Variants in CENPW observed in about 807,000 individuals in gnomAD.
CENPW encodes cancer-up-regulated gene 2 protein.
In CENPW, 3 loss-of-function variants were observed where a neutral mutation model predicts 11.1. That is an observed-to-expected ratio of 0.27 (90% CI 0.12 to 0.70). The LOEUF is 0.70. CENPW is among the 30% of genes least tolerant of loss of function. The probability of loss-of-function intolerance (pLI) is 0.77; values close to 1 mark genes in which losing one functional copy is unlikely to be tolerated. For missense variants in CENPW, 100 were observed against 105.6 expected (o/e 0.95, Z 0.23); for synonymous variants, 38 against 42.0 (o/e 0.91, Z 0.37).
the CENPW span, among the ~76,000 whole-genome samples, chr6:126,420,481 A>T: frequency 6.6e-6 from 1 of 152,288 alleles, no homozygotes; most frequent in South Asian, 2.1e-4. Context: ...CTGGAAATTG[A>T]AGTTGGTATT....
At chr6:126,453,672 T>A in the CENPW span, among the ~76,000 whole-genome samples, 1 of 151,022 alleles carries the variant, frequency 6.6e-6, no homozygotes, top group East Asian at 2.0e-4. Context: ...AACCAGGTAA[T>A]GATATGAGGA....
chr6:126,463,288 A>G, the CENPW span, among the ~76,000 whole-genome samples: 1 of 152,066 alleles, frequency 6.6e-6, no homozygotes, highest in Non-Finnish European at 1.5e-5. Context: ...TCTATAAATT[A>G]TGAAAAATAT....
the CENPW span, among the ~76,000 whole-genome samples, chr6:126,409,443 T>C: frequency 6.6e-6 from 1 of 152,138 alleles, no homozygotes; most frequent in African/African-American, 2.4e-5. Flanking sequence ...AGGTGTAATG[T>C]GAAGTTTAAA....
the CENPW span, among the ~76,000 whole-genome samples, chr6:126,441,821 C>T: frequency 2.0e-5 from 3 of 151,520 alleles, no homozygotes; most frequent in Non-Finnish European, 3.0e-5. Context: ...CCAGGGTATA[C>T]ATATGCCACG....
At chr6:126,445,755 T>C in the CENPW span, among the ~76,000 whole-genome samples, 1 of 151,186 alleles carries the variant, frequency 6.6e-6, no homozygotes, top group Non-Finnish European at 1.5e-5. Context: ...AGCTTACAAA[T>C]TATTTTAGAG....
At chr6:126,350,083 A>T (rs1293909338), downstream of CENPW, among the ~76,000 whole-genome samples, 2 of 152,108 alleles carry the variant, frequency 1.3e-5, no homozygotes, top group African/African-American at 4.8e-5. Flanking sequence ...GGGTGGCTGT[A>T]CCATTTTACA....
chr6:126,478,035 C>T, the CENPW span, among the ~76,000 whole-genome samples: 1 of 152,014 alleles, frequency 6.6e-6, no homozygotes, highest in African/African-American at 2.4e-5. Flanking sequence ...CTCTTGAGAT[C>T]CAACTTCCTC....
the CENPW span, among the ~76,000 whole-genome samples, chr6:126,415,868 C>G: frequency 2.0e-5 from 3 of 152,118 alleles, no homozygotes; most frequent in Non-Finnish European, 4.4e-5. Context: ...CCAGTTATGT[C>G]TTTATTGGCA....
At chr6:126,394,493 G>A in the CENPW span, among the ~76,000 whole-genome samples, 3 of 151,950 alleles carry the variant, frequency 2.0e-5, no homozygotes, top group Non-Finnish European at 4.4e-5. Flanking sequence ...TTACTATCAT[G>A]TCTTGAAACG....
At chr6:126,353,740 TCA>T (rs765878520), downstream of CENPW, among the ~76,000 whole-genome samples, 49 of 152,146 alleles carry the variant, frequency 3.2e-4, no homozygotes, top group Admixed American at 1.5e-3. Context: ...TTTGATTATG[TCA>T]CACATTATCT....
the CENPW span, among the ~76,000 whole-genome samples, chr6:126,468,975 GT>G: frequency 6.6e-6 from 1 of 152,026 alleles, no homozygotes; most frequent in Non-Finnish European, 1.5e-5. Context: ...GCTAATTTTT[GT>G]ATTTTTGGTA....
At chr6:126,401,552 C>G in the CENPW span, among the ~76,000 whole-genome samples, 1 of 151,892 alleles carries the variant, frequency 6.6e-6, no homozygotes, top group South Asian at 2.1e-4. Flanking sequence ...AATGGTATTT[C>G]CCACAGGAGC....
chr6:126,405,452 TG>T, the CENPW span, among the ~76,000 whole-genome samples: 2 of 152,140 alleles, frequency 1.3e-5, no homozygotes, highest in African/African-American at 4.8e-5. Context: ...CCTCCAGCTT[TG>T]TTCTTTATCT....
At chr6:126,446,359 C>G in the CENPW span, among the ~76,000 whole-genome samples, 5 of 145,324 alleles carry the variant, frequency 3.4e-5, no homozygotes, top group East Asian at 2.2e-4. Flanking sequence ...CCTCCCTGGC[C>G]CCCCCACAAG....
At chr6:126,386,532 A>G in the CENPW span, among the ~76,000 whole-genome samples, 1 of 152,050 alleles carries the variant, frequency 6.6e-6, no homozygotes, top group African/African-American at 2.4e-5. Context: ...TGAATTATGT[A>G]CACTGCGCCT....
At chr6:126,381,937 C>T in the CENPW span, among the ~76,000 whole-genome samples, 1 of 152,110 alleles carries the variant, frequency 6.6e-6, no homozygotes, top group Non-Finnish European at 1.5e-5. Flanking sequence ...ACTGAACCCA[C>T]CTCAGAGCGC....
chr6:126,363,881 A>G, the CENPW span, among the ~76,000 whole-genome samples: 1 of 152,188 alleles, frequency 6.6e-6, no homozygotes, highest in African/African-American at 2.4e-5. Context: ...GGACCTCCTG[A>G]ATTTAGTGTG....
chr6:126,367,299 T>C, the CENPW span, among the ~76,000 whole-genome samples: 1 of 152,238 alleles, frequency 6.6e-6, no homozygotes, highest in South Asian at 2.1e-4. Context: ...CCAGATAGTA[T>C]ACATTGTCTC....
At chr6:126,370,254 A>AT in the CENPW span, among the ~76,000 whole-genome samples, 7 of 151,534 alleles carry the variant, frequency 4.6e-5, no homozygotes, top group Non-Finnish European at 1.0e-4. Flanking sequence ...GCTGCGTGGG[A>AT]TTTTTTTGGT....
Sources: allele counts gnomAD v4.1 joint callset (sites outside exome capture counted in the v4.1 genomes callset), GRCh38; gene constraint gnomAD v4.1.1; transcripts MANE v1.5; gene names NCBI Gene and HGNC (gene_info 2026-07-23, HGNC 2026-07-21).